Variants in ADGB observed in about 807,000 individuals in gnomAD.
ADGB encodes the protein calpain-7-like protein.
Under a neutral mutation model 210.5 loss-of-function variants are expected in ADGB, and 172 were observed. That is an observed-to-expected ratio of 0.82 (90% CI 0.72 to 0.93). ADGB has a LOEUF of 0.93. ADGB is among the 40% of genes least tolerant of loss of function. The probability of loss-of-function intolerance (pLI) is 0.00; values close to 1 mark genes in which losing one functional copy is unlikely to be tolerated. For missense variants in ADGB, 2,025 were observed against 1,964.8 expected (o/e 1.03, Z -0.58); for synonymous variants, 658 against 662.7 (o/e 0.99, Z 0.11).
At position 146,694,121 on chromosome 6, in the gene ADGB, T is replaced by C. The variant is rs1388920344; in HGVS notation, c.1577+1206T>C. ...TACCTCCAAACTCTTCCAGCCTTTA[T>C]TACCCAGTTCCAAAGCTGCTTCCAC... On this transcript the variant is annotated intron_variant, in intron 12 of 35. Coordinates refer to ENST00000397944, the MANE Select transcript of ADGB (RefSeq NM_024694.4). Among the ~76,000 whole-genome samples, 2 of 152,160 alleles carry C rather than the reference T, an allele frequency of 1.3e-5. 1 individual carries two copies.
chr6:146,738,749 C>A (rs1164281521), intron 23 of ADGB, among the ~76,000 whole-genome samples: 1 of 152,078 alleles, frequency 6.6e-6, no homozygotes, highest in Non-Finnish European at 1.5e-5. Context: ...TGAGCCACTG[C>A]GCCCGGCCGA....
chr6:146,801,251 G>A lies in ADGB; in HGVS notation c.4606G>A (p.Glu1536Lys). 2 of 1,510,854 alleles carry A rather than the reference G, an allele frequency of 1.3e-6. No homozygotes were observed. Among genetic ancestry groups the A allele is most frequent in the East Asian group, 2.6e-5 (1 of 37,876 alleles). 93.6% of individuals were successfully genotyped at this position (1,510,854 alleles called of 1,614,324 possible). The change falls in exon 34 of 36, where the codon GAA becomes AAA. Residue 1536 changes from glutamate to lysine, a missense_variant. Glu to Lys is a moderately conservative substitution (Grantham distance 56). Transcript: ENST00000397944. ...TSPRLIRKAL[E>K]FMDLSQYVRK... ...TCCACGACTTATTCGAAAAGCACTA[G>A]AATTTATGGATTTAAGTCAATATGT...
At chr6:146,624,638 AT>A (rs1483977127) in intron 1 of ADGB, among the ~76,000 whole-genome samples, 1 of 151,462 alleles carries the variant, frequency 6.6e-6, no homozygotes, top group Non-Finnish European at 1.5e-5. Flanking sequence ...ACTTACTTTT[AT>A]TTACTTTGGA....
At chr6:146,750,720 A>G (rs116057400) in intron 26 of ADGB, among the ~76,000 whole-genome samples, 2,263 of 152,266 alleles carry the variant, frequency 0.015, 53 homozygotes, top group African/African-American at 0.052. Context: ...TTAAAAGGGG[A>G]GCGGGAAAGA....
chr6:146,632,813 C>G (rs1781083545), intron 1 of ADGB, among the ~76,000 whole-genome samples: 1 of 152,128 alleles, frequency 6.6e-6, no homozygotes, highest in Non-Finnish European at 1.5e-5. Context: ...GAATAAATGT[C>G]TGGCTTAGTT....
chr6:146,675,333 G>A (rs1391944595), intron 8 of ADGB, among the ~76,000 whole-genome samples: 2 of 152,092 alleles, frequency 1.3e-5, no homozygotes, highest in Non-Finnish European at 2.9e-5. Context: ...AAATTAGCAA[G>A]TTGTGGTGGT....
At chr6:146,609,079 G>T (rs1780669588) in intron 1 of ADGB, among the ~76,000 whole-genome samples, 1 of 152,112 alleles carries the variant, frequency 6.6e-6, no homozygotes, top group Non-Finnish European at 1.5e-5. Context: ...ATATATTTAG[G>T]ATAGTTAAGT....
chr6:146,791,092 G>A (rs944416141), intron 33 of ADGB, among the ~76,000 whole-genome samples: 4 of 151,926 alleles, frequency 2.6e-5, no homozygotes, highest in Admixed American at 2.0e-4. Context: ...TTGAATATTA[G>A]CCTCTTATCC....
intron 22 of ADGB, among the ~76,000 whole-genome samples, chr6:146,735,694 T>G (rs947969838): frequency 8.5e-5 from 13 of 152,210 alleles, no homozygotes; most frequent in African/African-American, 3.1e-4. Flanking sequence ...TACTTCCCTT[T>G]TTAGAGACTG....
intron 1 of ADGB, among the ~76,000 whole-genome samples, chr6:146,614,069 G>A (rs1049281857): frequency 1.8e-4 from 28 of 151,832 alleles, no homozygotes; most frequent in Non-Finnish European, 3.7e-4. Flanking sequence ...ATAGAGTGTC[G>A]ATTTAAATTT....
chr6:146,632,999 C>T (rs1362567879), intron 1 of ADGB, among the ~76,000 whole-genome samples: 1 of 152,070 alleles, frequency 6.6e-6, no homozygotes, highest in East Asian at 1.9e-4. Context: ...TGATGACTCT[C>T]AAAGTTTCAC....
At chr6:146,807,467 G>A (rs1276177030) in intron 35 of ADGB, 4 of 1,551,614 alleles carry the variant, frequency 2.6e-6, no homozygotes, top group Non-Finnish European at 3.5e-6. Context: ...ACAAATTGCT[G>A]GAAGCTGAGC....
chr6:146,794,725 A>T (rs1778014568), intron 33 of ADGB, among the ~76,000 whole-genome samples: 1 of 152,182 alleles, frequency 6.6e-6, no homozygotes, highest in African/African-American at 2.4e-5. Flanking sequence ...CTAGAAAAAA[A>T]TTATTAAAAT....
intron 29 of ADGB, among the ~76,000 whole-genome samples, chr6:146,777,914 G>C (rs1235950615): frequency 6.6e-6 from 1 of 152,168 alleles, no homozygotes; most frequent in Non-Finnish European, 1.5e-5. Context: ...TGGGCCTCAA[G>C]ATGTGCATTT....
chr6:146,613,577 A>G (rs753117154), intron 1 of ADGB, among the ~76,000 whole-genome samples: 59 of 152,176 alleles, frequency 3.9e-4, no homozygotes, highest in Non-Finnish European at 4.1e-4. Context: ...CCTGTAGTAA[A>G]CTTACTTCCA....
chr6:146,679,262 C>G (rs535863487), intron 9 of ADGB, among the ~76,000 whole-genome samples: 2 of 152,276 alleles, frequency 1.3e-5, no homozygotes, highest in East Asian at 3.9e-4. Context: ...TCACCAGATA[C>G]CCCTTTCACT....
intron 13 of ADGB, among the ~76,000 whole-genome samples, chr6:146,714,915 T>C (rs980803363): frequency 9.2e-5 from 14 of 152,326 alleles, no homozygotes; most frequent in African/African-American, 2.6e-4. Flanking sequence ...ATTAAATAAT[T>C]AAAACAAAAG....
intron 29 of ADGB, among the ~76,000 whole-genome samples, chr6:146,781,801 C>T (rs115190182): frequency 0.012 from 1,863 of 152,134 alleles, 31 homozygotes; most frequent in African/African-American, 0.04. Flanking sequence ...CCAAAGCCTG[C>T]GGGTTCATCC....
At chr6:146,748,717 G>A (rs1777278306) in intron 26 of ADGB, among the ~76,000 whole-genome samples, 1 of 152,004 alleles carries the variant, frequency 6.6e-6, no homozygotes, top group South Asian at 2.1e-4. Flanking sequence ...CTGATACTAC[G>A]GGCACATGCC....
Sources: gnomAD v4.1 joint callset for allele counts (sites outside exome capture counted in the v4.1 genomes callset) on GRCh38, gnomAD v4.1.1 for gene constraint, MANE v1.5 for transcripts, NCBI Gene and HGNC (gene_info 2026-07-23, HGNC 2026-07-21) for gene names.